FOXP1: variants seen among roughly 807,000 people sequenced by gnomAD.
The protein encoded by FOXP1 is forkhead box protein P1.
Under a neutral mutation model 98.2 loss-of-function variants are expected in FOXP1, and 15 were observed. That is an observed-to-expected ratio of 0.15 (90% confidence interval 0.10 to 0.24). The LOEUF is 0.24. Ranked by LOEUF, FOXP1 falls within the 10% of genes least tolerant of loss-of-function variation. FOXP1 has a pLI of 1.00. For synonymous variants in FOXP1, 371 were observed against 314.5 expected (o/e 1.18, Z -1.90); for missense variants, 633 against 848.5 (o/e 0.75, Z 3.15).
intron 18 of FOXP1, chr3:70,972,316 G>T: frequency 1.1e-6 from 1 of 943,042 alleles, no homozygotes; most frequent in Non-Finnish European, 1.6e-6. Flanking sequence ...GTTTGTGAGG[G>T]TTAATATGCA....
At chr3:71,216,406 T>C (rs2064932549) in intron 5 of FOXP1, among the ~76,000 whole-genome samples, 2 of 152,192 alleles carry the variant, frequency 1.3e-5, no homozygotes, top group African/African-American at 4.8e-5. Flanking sequence ...ACCTCACTTT[T>C]ATCTGAATGC....
Position 71,455,709 on chromosome 3 carries a change from G to A in FOXP1, c.-168+37717C>T, listed in dbSNP as rs541036434. Among the ~76,000 whole-genome samples, 12 of 152,158 alleles carry A rather than the reference G, an allele frequency of 7.9e-5. 1 individual carries two copies. The South Asian group carries it at 1.5e-3, about 18-fold the overall frequency. On this transcript the variant is annotated intron_variant, in intron 3 of 20. Coordinates refer to ENST00000649528, the MANE Select transcript of FOXP1 (RefSeq NM_001349338.3). ...AAGCCCAAATGTTTTTTGTTAATAC[G>A]AAGAGTCAAAATATTTTAAAGGATC...
chr3:70,972,545 G>A lies in FOXP1; in HGVS notation c.1652+10C>T, dbSNP rs2107195535. The A allele has an allele frequency of 6.2e-7, 1 of 1,614,182 alleles. No individual in the cohort carries two copies. The highest frequency in any genetic ancestry group is 1.1e-5 in the South Asian group (1 of 91,084). ...AGCTAGGCTAAGAAGTTCAAACATG[G>A]TGGACGTACCCACTGATCTTTTGTG... On this transcript the variant is annotated intron_variant, in intron 18 of 20. Coordinates refer to ENST00000649528, the MANE Select transcript of FOXP1 (RefSeq NM_001349338.3).
intron 6 of FOXP1, among the ~76,000 whole-genome samples, chr3:71,156,699 A>T (rs1293993656): frequency 1.3e-5 from 2 of 152,220 alleles, no homozygotes; most frequent in Non-Finnish European, 2.9e-5. Context: ...GTAATTCAAC[A>T]TCATCCAAAG....
chr3:71,384,619 G>A (rs537593455), intron 3 of FOXP1, among the ~76,000 whole-genome samples: 16 of 152,292 alleles, frequency 1.1e-4, no homozygotes, highest in Admixed American at 3.9e-4. Context: ...AAATGTGAAC[G>A]ACATTCTGAG....
chr3:71,434,025 T>C (rs908775741), intron 3 of FOXP1, among the ~76,000 whole-genome samples: 2 of 152,172 alleles, frequency 1.3e-5, no homozygotes, highest in Admixed American at 1.3e-4. Context: ...CCAAGCACCA[T>C]AATGAATGTG....
At chr3:71,246,906 G>A (rs2067794009) in intron 5 of FOXP1, among the ~76,000 whole-genome samples, 1 of 152,090 alleles carries the variant, frequency 6.6e-6, no homozygotes, top group Non-Finnish European at 1.5e-5. Context: ...CCATTTCATC[G>A]AGCAATGTGA....
At chr3:71,000,682 A>G (rs897167687) in intron 13 of FOXP1, among the ~76,000 whole-genome samples, 1 of 152,158 alleles carries the variant, frequency 6.6e-6, no homozygotes, top group East Asian at 1.9e-4. Flanking sequence ...AGATGGAAAC[A>G]TTCAAAGTGG....
At chr3:71,163,588 C>T (rs2061252198) in intron 6 of FOXP1, among the ~76,000 whole-genome samples, 2 of 152,188 alleles carry the variant, frequency 1.3e-5, no homozygotes, top group Non-Finnish European at 2.9e-5. Flanking sequence ...AATTATGAAT[C>T]GTGCTGGCCA....
chr3:71,541,278 G>C (rs1021926494), intron 2 of FOXP1, among the ~76,000 whole-genome samples: 3 of 152,118 alleles, frequency 2.0e-5, no homozygotes, highest in African/African-American at 7.2e-5. Context: ...TAATATTTGG[G>C]CATATGTAGA....
intron 2 of FOXP1, among the ~76,000 whole-genome samples, chr3:71,499,600 G>A (rs767612388): frequency 3.3e-5 from 5 of 152,170 alleles, no homozygotes; most frequent in African/African-American, 4.8e-5. Flanking sequence ...ATGTTTCCTC[G>A]GGTCCCACGT....
chr3:71,056,366 C>G (rs1385359542), intron 7 of FOXP1, among the ~76,000 whole-genome samples: 1 of 152,142 alleles, frequency 6.6e-6, no homozygotes, highest in Non-Finnish European at 1.5e-5. Context: ...GACATCAAAC[C>G]AGTGGCTTAA....
At chr3:71,214,525 G>C (rs543915285) in intron 5 of FOXP1, among the ~76,000 whole-genome samples, 1 of 152,264 alleles carries the variant, frequency 6.6e-6, no homozygotes, top group South Asian at 2.1e-4. Context: ...CTTTTGAAAG[G>C]GTGTTGCTAC....
intron 6 of FOXP1, among the ~76,000 whole-genome samples, chr3:71,116,700 A>G (rs992575996): frequency 6.6e-6 from 1 of 152,270 alleles, no homozygotes; most frequent in Admixed American, 6.5e-5. Context: ...AACAGAATTT[A>G]TAACATGCTT....
chr3:71,275,726 G>T (rs745993431), intron 5 of FOXP1, among the ~76,000 whole-genome samples: 1 of 152,198 alleles, frequency 6.6e-6, no homozygotes, highest in African/African-American at 2.4e-5. Flanking sequence ...GTGTATGTGA[G>T]GCTTCTGGGC....
intron 7 of FOXP1, among the ~76,000 whole-genome samples, chr3:71,077,617 C>T (rs948095235): frequency 1.3e-5 from 2 of 152,192 alleles, no homozygotes; most frequent in Non-Finnish European, 2.9e-5. Context: ...ACAGCATTCA[C>T]TCTCTGTGCT....
chr3:71,463,027 G>C (rs2088301612), intron 3 of FOXP1, among the ~76,000 whole-genome samples: 1 of 152,164 alleles, frequency 6.6e-6, no homozygotes, highest in South Asian at 2.1e-4. Flanking sequence ...ACCTTGGCAG[G>C]AAAGCCTCTC....
intron 13 of FOXP1, among the ~76,000 whole-genome samples, chr3:70,994,959 G>A (rs1214409606): frequency 6.6e-6 from 1 of 151,938 alleles, no homozygotes; most frequent in Non-Finnish European, 1.5e-5. Flanking sequence ...CACTACATGT[G>A]ATCAGAAATA....
At chr3:71,582,761 G>C (rs1282556125) in intron 1 of FOXP1, 1 of 985,418 alleles carries the variant, frequency 1.0e-6, no homozygotes, top group Non-Finnish European at 1.2e-6. Flanking sequence ...AGCGCGCGTA[G>C]GGGTGCGTGT....
Sources: allele counts gnomAD v4.1 joint callset (sites outside exome capture counted in the v4.1 genomes callset), GRCh38; gene constraint gnomAD v4.1.1; transcripts MANE v1.5; gene names NCBI Gene and HGNC (gene_info 2026-07-23, HGNC 2026-07-21).